The following POLR3E variants were observed in gnomAD, a reference collection of about 807,000 sequenced individuals.
POLR3E encodes DNA-directed RNA polymerase III subunit RPC5.
In POLR3E, 41 loss-of-function variants were observed where a neutral mutation model predicts 96.6. The observed-to-expected ratio is 0.42, with a 90% CI of 0.33 to 0.55. POLR3E has a LOEUF of 0.55. Among genes scored for constraint, POLR3E ranks in the 20% least tolerant of loss-of-function variants. The pLI, the probability that POLR3E is intolerant of heterozygous loss-of-function variation, is 0.06. For missense variants in POLR3E, 849 were observed against 952.1 expected (o/e 0.89, Z 1.43); for synonymous variants, 396 against 383.6 (o/e 1.03, Z -0.38).
Position 22,318,805 on chromosome 16 carries a change from T to C in POLR3E, c.866-21T>C. 6 of 1,607,628 alleles carry C rather than the reference T, an allele frequency of 3.7e-6. No individual in the cohort carries two copies. The highest frequency in any genetic ancestry group is 1.1e-5 in the South Asian group (1 of 90,792). ...GGCCCGGCCCCTCTTCCTTGTCTGA[T>C]GTCTCCTGCGTCCTCCTCAGTGAAG... On this transcript the variant is annotated intron_variant, in intron 12 of 20. Coordinates refer to ENST00000299853, the MANE Select transcript of POLR3E (RefSeq NM_018119.4). The surrounding 1 kb of genome is among the most constrained non-coding windows in gnomAD (Gnocchi z 5.0).
Position 22,313,834 on chromosome 16 carries a change from G to T in POLR3E, c.472+107G>T, listed in dbSNP as rs1267582090. 4 of 793,056 alleles carry T rather than the reference G, an allele frequency of 5.0e-6. No homozygotes were observed. In the Admixed American group the frequency reaches 6.4e-5, roughly 13 times the overall value. The allele number at this position is 793,056 out of a possible 1,614,324, so 49.1% of individuals were successfully genotyped here. Reference sequence around the variant, plus strand: ...GATAGGATGTTTAGCAGGATCCCTGGCCTCTACCTACTAGATGCCAGAAGC... The same window carrying T: ...GATAGGATGTTTAGCAGGATCCCTGTCCTCTACCTACTAGATGCCAGAAGC... On this transcript the variant is annotated intron_variant, in intron 7 of 20. Transcript: ENST00000299853. This position sits in a 1 kb window ranked among gnomAD's most constrained non-coding sequence, Gnocchi z 4.1.
At chr16:22,299,760 T>C (rs2047982794) in intron 1 of POLR3E, among the ~76,000 whole-genome samples, 1 of 152,070 alleles carries the variant, frequency 6.6e-6, no homozygotes, top group South Asian at 2.1e-4. Context: ...TGACCCAGGA[T>C]GGAGCGCAGT....
In POLR3E at chr16:22,314,684, G is replaced by A. The variant is rs9938259; in HGVS notation, c.523-405G>A. 4.9e-3 allele frequency among the ~76,000 whole-genome samples: 753 copies of A among 152,276 alleles called. 4 individuals are homozygous for A. The highest frequency in any genetic ancestry group is 0.017 in the African/African-American group (716 of 41,552). On this transcript the variant is annotated intron_variant, in intron 8 of 20. Transcript: ENST00000299853. The stretch of plus-strand genomic sequence containing the variant: ...GAGTGTTTGGAAGCCCTTGAGGACC[G>A]GGGAACACGGGCGTAATGGACATGG...
In POLR3E at chr16:22,330,744, T is replaced by G. The variant is rs559812363; in HGVS notation, c.1945-1316T>G. Among the ~76,000 whole-genome samples, 3 of 152,246 alleles carry G rather than the reference T, an allele frequency of 2.0e-5. No homozygotes were observed. In the South Asian group the frequency reaches 6.2e-4, roughly 32 times the overall value. ...ATGGATTACAATACAGTATTACTGT[T>G]TGTCTGGGACTAGAATTTTAAGAGG... On this transcript the variant is annotated intron_variant, in intron 19 of 20. Coordinates refer to ENST00000299853, the MANE Select transcript of POLR3E (RefSeq NM_018119.4).
rs1000769661 is a variant in POLR3E, at chr16:22,326,228, A to G, written c.1816A>G (p.Met606Val). 2 of 1,609,276 alleles carry G rather than the reference A, an allele frequency of 1.2e-6. No individual in the cohort carries two copies. Among genetic ancestry groups the G allele is most frequent in the Non-Finnish European group, 1.7e-6 (2 of 1,177,800 alleles). The part of the protein sequence containing the change: ...HTLFSGISDR[M>V]LQDTVLAAGC... ...ACTCTTCAGCGGCATCTCGGACCGC[A>G]TGCTACAGGACACGGTGCTGGCCGC... is the stretch of plus-strand genomic sequence containing the variant. The change falls in exon 18 of 21, where the codon ATG (methionine) becomes GTG (valine). Residue 606 changes from methionine to valine, a missense_variant. By Grantham distance (21) the Met-to-Val change is conservative. Coordinates refer to ENST00000299853, the MANE Select transcript of POLR3E (RefSeq NM_018119.4).
chr16:22,334,806 A>G lies in POLR3E; in HGVS notation c.*1106A>G, dbSNP rs1166753792. The G allele has an allele frequency of 6.6e-6, 1 of 152,236 alleles. No homozygotes were observed. Among genetic ancestry groups the G allele is most frequent in the Non-Finnish European group, 1.5e-5 (1 of 68,038 alleles). The allele number at this position is 152,236 out of a possible 1,614,324, so 9.4% of individuals were successfully genotyped here. On this transcript the variant is annotated 3_prime_UTR_variant, in exon 21 of 21. Coordinates refer to ENST00000299853, the MANE Select transcript of POLR3E (RefSeq NM_018119.4). ...ACAGCCCTAGAAACTGATGGAAAAA[A>G]TAAGAGTAAGCTAGGTTGGATGACA...
At position 22,313,561 on chromosome 16, in the gene POLR3E, T is replaced by C; in HGVS notation, c.365-59T>C. 3 of 1,167,424 alleles carry C rather than the reference T, an allele frequency of 2.6e-6. No homozygotes were observed. Among genetic ancestry groups the C allele is most frequent in the Non-Finnish European group, 3.9e-6 (3 of 778,590 alleles). 72.3% of individuals were successfully genotyped at this position (1,167,424 alleles called of 1,614,324 possible). A position where few individuals can be genotyped will look rare whatever the true frequency, so the allele number is the denominator to read the frequency against. ...AGGCCTTCACGGGACTTGGTGACTC[T>C]CTTGAGCCAAACTGGGTGGGTTTCT... On this transcript the variant is annotated intron_variant, in intron 6 of 20. Transcript: ENST00000299853. The surrounding 1 kb of genome is among the most constrained non-coding windows in gnomAD (Gnocchi z 4.1).
At chr16:22,298,984 T>A (rs2141716880) in intron 1 of POLR3E, 1 of 456,016 alleles carries the variant, frequency 2.2e-6, no homozygotes, top group South Asian at 1.5e-5. Flanking sequence ...GAAGCCTTCA[T>A]GGAGCTTACG....
intron 18 of POLR3E, chr16:22,326,496 T>G: frequency 5.2e-6 from 3 of 580,916 alleles, no homozygotes; most frequent in Non-Finnish European, 3.1e-6. Context: ...AGGGGCTAAA[T>G]ACGGTGTCTG....
At chr16:22,317,676 T>A (rs1194993591) in intron 12 of POLR3E, among the ~76,000 whole-genome samples, 3 of 151,592 alleles carry the variant, frequency 2.0e-5, no homozygotes, top group Admixed American at 6.6e-5. Flanking sequence ...TTTTTTTTTT[T>A]AAGGTTTTTT....
Position 22,313,598 on chromosome 16 carries a change from C to G in POLR3E, c.365-22C>G, listed in dbSNP as rs1448199336. 6.4e-7 allele frequency: 1 copy of G among 1,563,756 alleles called. No homozygotes were observed. The highest frequency in any genetic ancestry group is 8.8e-7 in the Non-Finnish European group (1 of 1,134,768). On this transcript the variant is annotated intron_variant, in intron 6 of 20. Coordinates refer to ENST00000299853, the MANE Select transcript of POLR3E (RefSeq NM_018119.4). This position sits in a 1 kb window ranked among gnomAD's most constrained non-coding sequence, Gnocchi z 4.1. ...CTGGGTGGGTTTCTAGAGTTGAGTC[C>G]AAGCCCTTCTTCCTCCGCCAGGTGA...
chr16:22,329,150 T>C (rs2048680144), intron 19 of POLR3E: 1 of 152,410 alleles, frequency 6.6e-6, no homozygotes, highest in African/African-American at 2.4e-5. Flanking sequence ...CTGTCCTAGG[T>C]ATCTGAATTT....
intron 3 of POLR3E, chr16:22,305,423 G>C (rs1447982797): frequency 1.4e-6 from 1 of 694,802 alleles, no homozygotes; most frequent in Admixed American, 2.0e-5. Flanking sequence ...GTGTGCAGCA[G>C]TTAAAGCTGG....
At chr16:22,299,507 G>A (rs1307263944) in intron 1 of POLR3E, among the ~76,000 whole-genome samples, 1 of 149,948 alleles carries the variant, frequency 6.7e-6, no homozygotes, top group African/African-American at 2.5e-5. Context: ...TCTGCCTTCT[G>A]GGTTCAAGTG....
intron 1 of POLR3E, chr16:22,302,393 G>A (rs1476983897): frequency 6.4e-6 from 1 of 156,514 alleles, no homozygotes; most frequent in Admixed American, 6.3e-5. Flanking sequence ...GTTGAATACA[G>A]GACAGAAGAG....
chr16:22,309,836 C>T, intron 6 of POLR3E: 1 of 348,288 alleles, frequency 2.9e-6, no homozygotes, highest in South Asian at 4.5e-5. Context: ...TATGACAGAG[C>T]AATTCCATTC....
At chr16:22,311,716 G>A (rs1019938713) in intron 6 of POLR3E, among the ~76,000 whole-genome samples, 2 of 151,868 alleles carry the variant, frequency 1.3e-5, no homozygotes, top group South Asian at 2.1e-4. Flanking sequence ...GGCTGGTCTC[G>A]AACTCCTGGG....
At chr16:22,303,807 AT>A (rs56737281) in intron 2 of POLR3E, among the ~76,000 whole-genome samples, 8,119 of 110,758 alleles carry the variant, frequency 0.073, 353 homozygotes, top group East Asian at 0.2. Context: ...CGCCCGACTA[AT>A]TTTTTTTTTT....
chr16:22,307,252 T>C (rs1278159638), intron 3 of POLR3E, among the ~76,000 whole-genome samples: 2 of 152,110 alleles, frequency 1.3e-5, no homozygotes, highest in Non-Finnish European at 2.9e-5. Flanking sequence ...CCTTCAGCCT[T>C]CCCACCCCCA....
Sources: gnomAD v4.1 joint callset for allele counts (sites outside exome capture counted in the v4.1 genomes callset) on GRCh38, gnomAD v4.1.1 for gene constraint, Gnocchi (gnomAD v3.1) non-coding constraint, MANE v1.5 for transcripts, NCBI Gene and HGNC (gene_info 2026-07-23, HGNC 2026-07-21) for gene names.